DDHD2: variants seen among roughly 807,000 people sequenced by gnomAD.
DDHD2 encodes the protein DDHD domain containing 2, also known as triacylglycerol hydrolase DDHD2.
Under a neutral mutation model 91.2 loss-of-function variants are expected in DDHD2, and 62 were observed. The observed-to-expected ratio is 0.68, with a 90% CI of 0.55 to 0.84. DDHD2 has a LOEUF of 0.84. DDHD2 is among the 40% of genes least tolerant of loss of function. The pLI is 0.00. For synonymous variants in DDHD2, 271 were observed against 293.9 expected (o/e 0.92, Z 0.80); for missense variants, 740 against 846.9 (o/e 0.87, Z 1.57).
Position 38,251,923 on chromosome 8 carries a change from A to T in DDHD2, c.1356A>T (p.Arg452Ser), listed in dbSNP as rs1806140733. The stretch of plus-strand genomic sequence containing the variant: ...TTTTTATTCTTTAGGGTATTAAGAG[A>T]CCAGCCCCGCAGCCTGCTTCAGGGG... The part of the protein sequence containing the change: ...STRKNSMGIK[R>S]PAPQPASGAN... Residue 452 changes from arginine (R) to serine (S), a missense_variant, in exon 12 of 18, where the codon AGA becomes AGT. Around this residue, in one of 2 missense-constraint regions of DDHD2, gnomAD observed 693 missense variants for 764.2 expected, o/e 0.91. Transcript: ENST00000397166. The T allele has an allele frequency of 1.2e-6, 2 of 1,613,590 alleles. No individual in the cohort carries two copies. The highest frequency in any genetic ancestry group is 2.7e-5 in the African/African-American group (2 of 75,020).
At chr8:38,247,919 C>T in intron 10 of DDHD2, 84 bp downstream of exon 10, 1 of 1,044,588 alleles carries the variant, frequency 9.6e-7, no homozygotes. Context: ...ACCCTTTAGA[C>T]ACTTTTTAGT....
At chr8:38,264,324 T>C, downstream of DDHD2, 1 of 831,868 alleles carries the variant, frequency 1.2e-6, no homozygotes. Context: ...GTATTTTTAG[T>C]AGAGACAGGG....
intron 5 of DDHD2, 89 bp downstream of exon 5, chr8:38,238,298 C>G (rs756920790): frequency 6.4e-7 from 1 of 1,562,048 alleles, no homozygotes; most frequent in South Asian, 1.2e-5. Context: ...TAGATTACCT[C>G]AAGGCTTAAA....
At chr8:38,266,525 C>T (rs1017011253), downstream of DDHD2, 19 of 473,378 alleles carry the variant, frequency 4.0e-5, no homozygotes, top group East Asian at 2.4e-4. Context: ...CTTAGCCTCC[C>T]GAGTAGCTGG....
chr8:38,237,437 T>C (rs1804886674), intron 3 of DDHD2, 101 bp from the exon 4 acceptor site: 1 of 601,794 alleles, frequency 1.7e-6, no homozygotes, highest in East Asian at 3.2e-5. Context: ...TGGAGTAGGA[T>C]ATTCTTATTG....
Position 38,245,694 on chromosome 8 carries a change from A to G in DDHD2, c.849-48A>G, listed in dbSNP as rs779244961. 3.3e-6 allele frequency: 5 copies of G among 1,510,048 alleles called. No homozygotes were observed. The South Asian group carries it at 3.4e-5, about 10-fold the overall frequency. 93.5% of individuals were successfully genotyped at this position (1,510,048 alleles called of 1,614,324 possible). ...TGAAGGCTTAAAATTGGAAGCAGCT[A>G]TTAAGTGTATTTAGGTTTCCTGCTT... On this transcript the variant is annotated intron_variant, in intron 7 of 17. Coordinates refer to ENST00000397166, the MANE Select transcript of DDHD2 (RefSeq NM_015214.3).
chr8:38,264,967 G>A, downstream of DDHD2: 2 of 1,572,410 alleles, frequency 1.3e-6, no homozygotes, highest in East Asian at 4.5e-5. Flanking sequence ...AAGGAATAAA[G>A]TATTTTAAGA....
At position 38,252,988 on chromosome 8, in the gene DDHD2, G is replaced by A. The variant is rs765137700; in HGVS notation, c.1752G>A (p.Met584Ile). ...ELREGLTRMS[M>I]DLKNNLLGSL... is the part of the protein sequence containing the mutation. ...GAGAGGGCTTGACCAGGATGAGTAT[G>A]GACCTTAAGAACAACTTGCTAGGTT... The change falls in exon 15 of 18, where the codon ATG becomes ATA. Residue 584 changes from methionine to isoleucine, a missense_variant. Transcript: ENST00000397166. The A allele has an allele frequency of 3.8e-5, 61 of 1,613,996 alleles. No homozygotes were observed. The Middle Eastern group carries it at 6.6e-4, about 17-fold the overall frequency.
intron 17 of DDHD2, 195 bp downstream of exon 17, chr8:38,260,342 G>A (rs928107321): frequency 2.4e-6 from 1 of 408,660 alleles, no homozygotes; most frequent in African/African-American, 2.0e-5. Context: ...AGGAAGATTA[G>A]TGTATGTCTG....
Position 38,262,673 on chromosome 8 carries a change from T to C in DDHD2, c.*2100T>C, listed in dbSNP as rs1807123209. The C allele has an allele frequency of 6.6e-6, 1 of 152,214 alleles. No individual in the cohort carries two copies. Among genetic ancestry groups the C allele is most frequent in the Non-Finnish European group, 1.5e-5 (1 of 68,024 alleles). The allele number at this position is 152,214 out of a possible 1,614,324, so 9.4% of individuals were successfully genotyped here. On this transcript the variant is annotated 3_prime_UTR_variant, in exon 18 of 18. Transcript: ENST00000397166. ...GAGATTGTTTGCATGGAAAGATTAA[T>C]AGCACTGATTAGATTTCTAATATTT...
rs770883068 is a variant in DDHD2 at position 38,245,898 on chromosome 8, A to G, written c.1005A>G (p.Leu335=). The change falls in exon 8 of 18, where the codon CTA becomes CTG. Residue 335 remains leucine, a synonymous_variant. Coordinates refer to ENST00000397166, the MANE Select transcript of DDHD2 (RefSeq NM_015214.3). The part of the protein sequence containing the change: ...SEMNRIYTLF[L]QRNPDFKGGV... Reference sequence around the variant, plus strand: ...TGAACCGAATATACACACTTTTTCTACAGAGGAACCCTGATTTCAAAGGGG... The same window carrying G: ...TGAACCGAATATACACACTTTTTCTGCAGAGGAACCCTGATTTCAAAGGGG... 4 of 1,613,960 alleles carry G rather than the reference A, an allele frequency of 2.5e-6. No individual in the cohort carries two copies. Among genetic ancestry groups the G allele is most frequent in the African/African-American group, 1.3e-5 (1 of 74,924 alleles).
intron 14 of DDHD2, 49 bp downstream of exon 14, chr8:38,252,873 A>C (rs1585753042): frequency 6.2e-7 from 1 of 1,607,512 alleles, no homozygotes; most frequent in Non-Finnish European, 8.5e-7. Flanking sequence ...TGGCCAGTGC[A>C]AAGGGCATCA....
chr8:38,239,012 G>T (rs996367857), intron 5 of DDHD2: 4 of 152,112 alleles, frequency 2.6e-5, no homozygotes, highest in Non-Finnish European at 5.9e-5. Flanking sequence ...TCTGTAAAAA[G>T]TATGTGGGAG....
intron 10 of DDHD2, among the ~76,000 whole-genome samples, chr8:38,248,905 A>G (rs1320621787): frequency 6.8e-6 from 1 of 146,448 alleles, no homozygotes; most frequent in Admixed American, 6.9e-5. Flanking sequence ...AGATCACACC[A>G]CTGCACTCCA....
intron 1 of DDHD2, chr8:38,269,246 CG>C: frequency 7.1e-7 from 1 of 1,399,406 alleles, no homozygotes; most frequent in Non-Finnish European, 9.2e-7. Context: ...GCCACCTCCG[CG>C]GGGAGGGCCG....
chr8:38,257,241 T>G (rs1014698265), intron 16 of DDHD2, among the ~76,000 whole-genome samples: 8 of 127,588 alleles, frequency 6.3e-5, no homozygotes, highest in African/African-American at 2.1e-4. Flanking sequence ...CCAACAAGTT[T>G]TTTTTTTTTT....
chr8:38,266,433 C>G (rs996800918), downstream of DDHD2: 4 of 984,530 alleles, frequency 4.1e-6, no homozygotes, highest in African/African-American at 4.9e-5. Context: ...GACAGTCTTG[C>G]TCTGTCGCCC....
Position 38,249,709 on chromosome 8 carries a change from C to T in DDHD2, c.1250C>T (p.Ala417Val). The T allele has an allele frequency of 6.2e-7, 1 of 1,603,794 alleles. No homozygotes were observed. The highest frequency in any genetic ancestry group is 1.1e-5 in the South Asian group (1 of 90,718). Residue 417 changes from alanine to valine, a missense_variant and splice_region_variant, in exon 11 of 18, where the codon GCT (alanine) becomes GTT (valine). Around this residue, in one of 2 missense-constraint regions of DDHD2, gnomAD observed 693 missense variants for 764.2 expected, o/e 0.91. Transcript: ENST00000397166. ...AAAGACTTGATTTTCTATGCCTAGGCTTTATGTACAGACCGAGATCTTCAG... is the reference window on the plus strand; with the variant it reads ...AAAGACTTGATTTTCTATGCCTAGGTTTTATGTACAGACCGAGATCTTCAG... ...EKEKVDKEAL[A>V]LCTDRDLQEI...
intron 1 of DDHD2, chr8:38,270,600 C>T (rs1217167455): frequency 6.6e-6 from 1 of 152,156 alleles, no homozygotes; most frequent in Non-Finnish European, 1.5e-5. Context: ...ACAAGAATAC[C>T]TTATTCAATA....
Sources: allele counts gnomAD v4.1 joint callset (sites outside exome capture counted in the v4.1 genomes callset), GRCh38; gene constraint gnomAD v4.1.1; regional missense constraint gnomAD v4.1.1; transcripts MANE v1.5; gene names NCBI Gene and HGNC (gene_info 2026-07-23, HGNC 2026-07-21).